The following GSK3B variants were observed in gnomAD, a reference collection of about 807,000 sequenced individuals.
The protein encoded by GSK3B is glycogen synthase kinase-3 beta.
GSK3B carries 15 observed loss-of-function variants against 56.4 expected under a neutral mutation model. That is an observed-to-expected ratio of 0.27 (90% confidence interval 0.18 to 0.41). The LOEUF is 0.41. Ranked by LOEUF, GSK3B falls within the 10% of genes least tolerant of loss-of-function variation. The pLI is 1.00. For synonymous variants in GSK3B, 181 were observed against 188.9 expected (o/e 0.96, Z 0.34); for missense variants, 300 against 513.4 (o/e 0.58, Z 4.02).
intron 10 of GSK3B, among the ~76,000 whole-genome samples, chr3:119,841,255 T>C (rs1161552582): frequency 1.3e-5 from 2 of 152,186 alleles, no homozygotes; most frequent in Non-Finnish European, 2.9e-5. Flanking sequence ...CAAAACAACA[T>C]GAAAATCAGG....
rs202058386 is a variant in GSK3B, at chr3:120,076,813, C to CAAAAAAAA, written c.88+16526_88+16533dup. Among the ~76,000 whole-genome samples the CAAAAAAAA allele has an allele frequency of 2.4e-4, 11 of 45,588 alleles. 1 individual carries two copies. Among genetic ancestry groups the CAAAAAAAA allele is most frequent in the East Asian group, 1.2e-3 (2 of 1,608 alleles). The allele number at this position is 45,588 out of a possible 152,430, so 29.9% of individuals were successfully genotyped here. A position where few individuals can be genotyped will look rare whatever the true frequency, so the allele number is the denominator to read the frequency against. On this transcript the variant is annotated intron_variant, in intron 1 of 10. Coordinates refer to ENST00000264235, the MANE Select transcript of GSK3B (RefSeq NM_001146156.2). The stretch of plus-strand genomic sequence containing the variant: ...TGGGCGACAGAGCGAAACTCCGTCT[C>CAAAAAAAA]AAAAAAAAAAAAAAAAAAAAAAAAA...
Position 120,068,441 on chromosome 3 carries a change from C to G in GSK3B, c.88+24906G>C, listed in dbSNP as rs544161567. ...GGACGCCAGGAGCGGTGGCTCATGC[C>G]TGTATTCCCAGCACTCTGGGAGGTC... On this transcript the variant is annotated intron_variant, in intron 1 of 10. Transcript: ENST00000264235. Among the ~76,000 whole-genome samples, 3 of 149,808 alleles carry G rather than the reference C, an allele frequency of 2.0e-5. No individual in the cohort carries two copies. The East Asian group carries it at 5.9e-4, about 30-fold the overall frequency.
chr3:119,916,285 G>C lies in GSK3B; in HGVS notation c.478-111C>G, dbSNP rs2056779827. The C allele has an allele frequency of 3.7e-6, 3 of 805,792 alleles. No homozygotes were observed. In the East Asian group the frequency reaches 7.8e-5, roughly 21 times the overall value. 49.9% of individuals were successfully genotyped at this position (805,792 alleles called of 1,614,324 possible). ...CAGAAAAGAACAGGTGAAATGCTAT[G>C]GATTACTGGCACTCAATCTTCCTTT... is the stretch of plus-strand genomic sequence containing the variant. On this transcript the variant is annotated intron_variant, in intron 4 of 10. Transcript: ENST00000264235.
intron 1 of GSK3B, among the ~76,000 whole-genome samples, chr3:120,042,600 T>G (rs1475232314): frequency 6.6e-6 from 1 of 152,186 alleles, no homozygotes; most frequent in Admixed American, 6.5e-5. Flanking sequence ...CCTCACTCAC[T>G]GGGTCAAATG....
intron 3 of GSK3B, among the ~76,000 whole-genome samples, chr3:119,942,197 T>G (rs2057055578): frequency 6.6e-6 from 1 of 152,230 alleles, no homozygotes; most frequent in Non-Finnish European, 1.5e-5. Flanking sequence ...GGAAAAAAAC[T>G]TTTAAATGAA....
rs149862075 is a variant in GSK3B at position 119,939,083 on chromosome 3, G to A, written c.366+8185C>T. 8.2e-3 allele frequency among the ~76,000 whole-genome samples: 1,250 copies of A among 152,092 alleles called. 9 individuals carry two copies. The highest frequency in any genetic ancestry group is 0.02 in the Middle Eastern group (6 of 294). On this transcript the variant is annotated intron_variant, in intron 3 of 10. Coordinates refer to ENST00000264235, the MANE Select transcript of GSK3B (RefSeq NM_001146156.2). The stretch of plus-strand genomic sequence containing the variant: ...GAGAAGCTTTTGGGGCTAAAAGGGG[G>A]GCTGGGGGGAGAGAAAATAGTGAGA...
intron 10 of GSK3B, among the ~76,000 whole-genome samples, chr3:119,829,224 A>G (rs183820992): frequency 1.3e-5 from 2 of 152,308 alleles, no homozygotes; most frequent in East Asian, 3.9e-4. Flanking sequence ...CTCAGATAAA[A>G]TGTTCATTTT....
chr3:119,942,347 GGA>G (rs1491398127), intron 3 of GSK3B, among the ~76,000 whole-genome samples: 7 of 152,062 alleles, frequency 4.6e-5, no homozygotes, highest in African/African-American at 1.7e-4. Flanking sequence ...TGCCCAGGCT[GGA>G]GTACAATGGG....
intron 2 of GSK3B, among the ~76,000 whole-genome samples, chr3:119,967,506 TACAAAG>T (rs1025154376): frequency 4.6e-5 from 7 of 152,186 alleles, no homozygotes; most frequent in African/African-American, 1.7e-4. Flanking sequence ...CATATCTTTT[TACAAAG>T]ACAAAGTAAT....
intron 1 of GSK3B, among the ~76,000 whole-genome samples, chr3:120,056,907 C>T (rs1242255129): frequency 6.6e-6 from 1 of 152,142 alleles, no homozygotes; most frequent in African/African-American, 2.4e-5. Flanking sequence ...CTTTGGGAGG[C>T]CGAGGCAGGC....
At chr3:120,079,344 AC>A (rs2058396191) in intron 1 of GSK3B, among the ~76,000 whole-genome samples, 1 of 126,054 alleles carries the variant, frequency 7.9e-6, no homozygotes, top group East Asian at 2.1e-4. Flanking sequence ...ACACACACAC[AC>A]ACACATTTTT....
At chr3:120,019,184 T>TA (rs2057851772) in intron 1 of GSK3B, among the ~76,000 whole-genome samples, 2 of 152,142 alleles carry the variant, frequency 1.3e-5, no homozygotes, top group Non-Finnish European at 2.9e-5. Flanking sequence ...AATAGTTTAA[T>TA]ACATCAAAAA....
In GSK3B at chr3:119,823,140, T is replaced by C; in HGVS notation, c.*3648A>G. 4.3e-6 allele frequency: 1 copy of C among 230,224 alleles called. No homozygotes were observed. The highest frequency in any genetic ancestry group is 2.2e-5 in the African/African-American group (1 of 45,276). The allele number at this position is 230,224 out of a possible 1,614,324, so 14.3% of individuals were successfully genotyped here. On this transcript the variant is annotated 3_prime_UTR_variant, in exon 11 of 11. Coordinates refer to ENST00000264235, the MANE Select transcript of GSK3B (RefSeq NM_001146156.2). The stretch of plus-strand genomic sequence containing the variant: ...ACGATGTTTCAAAAATAGTAACCTT[T>C]GGTTTGGTAGTTTTTTCTTCTATTC...
intron 7 of GSK3B, among the ~76,000 whole-genome samples, chr3:119,893,323 T>C (rs1044025141): frequency 6.6e-6 from 1 of 152,118 alleles, no homozygotes; most frequent in African/African-American, 2.4e-5. Flanking sequence ...AATCTACTAG[T>C]TGTAGGTAGC....
intron 1 of GSK3B, among the ~76,000 whole-genome samples, chr3:120,070,238 A>C (rs1429453340): frequency 1.9e-5 from 2 of 103,938 alleles, no homozygotes; most frequent in Admixed American, 8.0e-5. Flanking sequence ...CAAAACAAAA[A>C]ACAAAAAAAA....
intron 9 of GSK3B, among the ~76,000 whole-genome samples, chr3:119,859,184 T>TAAA (rs3031797): frequency 1.1e-3 from 153 of 143,398 alleles, no homozygotes; most frequent in South Asian, 4.2e-3. Flanking sequence ...TTTGTGTATA[T>TAAA]AAAAAAAAAA....
intron 1 of GSK3B, among the ~76,000 whole-genome samples, chr3:120,042,144 A>G (rs1202659490): frequency 6.6e-6 from 1 of 152,222 alleles, no homozygotes; most frequent in Non-Finnish European, 1.5e-5. Context: ...AAGAGTCAGG[A>G]AAATAACCTA....
intron 7 of GSK3B, among the ~76,000 whole-genome samples, chr3:119,886,259 G>C (rs1275096170): frequency 6.6e-6 from 1 of 152,010 alleles, no homozygotes; most frequent in Non-Finnish European, 1.5e-5. Flanking sequence ...CTCTAAAGAA[G>C]AGATGTAAGT....
chr3:119,845,845 C>T (rs564366715), intron 9 of GSK3B, among the ~76,000 whole-genome samples: 2 of 152,058 alleles, frequency 1.3e-5, no homozygotes, highest in African/African-American at 4.8e-5. Flanking sequence ...AAAAAGAGCC[C>T]GTATAGCCAA....
Sources: gnomAD v4.1 joint callset for allele counts (sites outside exome capture counted in the v4.1 genomes callset) on GRCh38, gnomAD v4.1.1 for gene constraint, MANE v1.5 for transcripts, NCBI Gene and HGNC (gene_info 2026-07-23, HGNC 2026-07-21) for gene names.